Variants in SETDB2 observed in about 807,000 individuals in gnomAD.
The protein encoded by SETDB2 is SET domain bifurcated histone lysine methyltransferase 2.
In SETDB2, 56 loss-of-function variants were observed where a neutral mutation model predicts 82.5. The observed-to-expected ratio is 0.68, with a 90% CI of 0.55 to 0.85. The LOEUF (loss-of-function observed/expected upper bound fraction) is 0.85, where lower values mean the gene tolerates loss of function less well. SETDB2 is among the 40% of genes least tolerant of loss of function. The pLI is 0.00. For synonymous variants in SETDB2, 272 were observed against 284.9 expected (o/e 0.95, Z 0.46); for missense variants, 677 against 816.4 (o/e 0.83, Z 2.08).
rs150162236 is a variant in SETDB2, at chr13:49,476,264, T to G, written c.306-212T>G. 2.5e-4 allele frequency among the ~76,000 whole-genome samples: 38 copies of G among 152,284 alleles called. 1 individual carries two copies. The highest frequency in any genetic ancestry group is 8.4e-4 in the African/African-American group (35 of 41,552). ...TCACACCTGTGAATGGCCACTGCAC[T>G]CCAGCCTGGGCAACATAGGAAGACC... On this transcript the variant is annotated intron_variant, in intron 5 of 13. Transcript: ENST00000611815.
intron 5 of SETDB2, among the ~76,000 whole-genome samples, chr13:49,474,242 A>G (rs1012487837): frequency 5.3e-5 from 8 of 151,990 alleles, no homozygotes; most frequent in Admixed American, 1.3e-4. Flanking sequence ...AGCCTGGGCA[A>G]TAGATTGAAA....
chr13:49,456,857 G>T (rs1957891392), intron 2 of SETDB2, among the ~76,000 whole-genome samples: 1 of 152,120 alleles, frequency 6.6e-6, no homozygotes, highest in Admixed American at 6.6e-5. Context: ...GTGGTTAAGG[G>T]CTTCCATAGC....
rs143674909 is a variant in SETDB2 at position 49,447,470 on chromosome 13, G to A, written c.-342+2613G>A. ...ATCTTGTGCCTAATAAAAATTCTCCGAATGTTTCATCATTGAGTATGATGT... is the reference window on the plus strand; with the variant it reads ...ATCTTGTGCCTAATAAAAATTCTCCAAATGTTTCATCATTGAGTATGATGT... On this transcript the variant is annotated intron_variant, in intron 1 of 13. Coordinates refer to ENST00000611815, the MANE Select transcript of SETDB2 (RefSeq NM_001160308.3). 1.8e-3 allele frequency among the ~76,000 whole-genome samples: 274 copies of A among 152,128 alleles called. 3 individuals carry two copies. The East Asian group carries it at 0.03, about 17-fold the overall frequency.
intron 5 of SETDB2, among the ~76,000 whole-genome samples, chr13:49,471,929 TATATA>T (rs1478655086): frequency 6.0e-5 from 4 of 66,176 alleles, no homozygotes; most frequent in African/African-American, 2.9e-4. Context: ...TATATATATA[TATATA>T]TTTTTTTTTT....
At chr13:49,491,021 G>A in intron 13 of SETDB2, 111 bp downstream of exon 13, 3 of 758,852 alleles carry the variant, frequency 4.0e-6, no homozygotes, top group Non-Finnish European at 6.3e-6. Flanking sequence ...GGGAGGCCAA[G>A]GTGGGGAGAC....
chr13:49,449,508 C>T (rs1294690889), intron 1 of SETDB2, among the ~76,000 whole-genome samples: 1 of 152,192 alleles, frequency 6.6e-6, no homozygotes, highest in African/African-American at 2.4e-5. Flanking sequence ...ACCTCAGCCT[C>T]CCAAAGCGCT....
rs1957790773 is a variant in SETDB2, at chr13:49,451,820, G to A, written c.-74G>A. On this transcript the variant is annotated 5_prime_UTR_variant, in exon 2 of 14. The change creates a new upstream start codon in the 5' untranslated region. Coordinates refer to ENST00000611815, the MANE Select transcript of SETDB2 (RefSeq NM_001160308.3). ...TTATAGAGACCACAGTTGGATTCCA[G>A]TGATATTCTGCAATCAAAGTGATTT... 8.2e-7 allele frequency: 1 copy of A among 1,216,836 alleles called. No homozygotes were observed. The highest frequency in any genetic ancestry group is 1.9e-5 in the Admixed American group (1 of 52,270). The allele number at this position is 1,216,836 out of a possible 1,614,324, so 75.4% of individuals were successfully genotyped here. A position where few individuals can be genotyped will look rare whatever the true frequency, so the allele number is the denominator to read the frequency against.
Position 49,460,119 on chromosome 13 carries a change from C to T in SETDB2, c.29C>T (p.Thr10Ile), listed in dbSNP as rs1208249238. The T allele has an allele frequency of 1.9e-6, 3 of 1,611,598 alleles. No individual in the cohort carries two copies. Among genetic ancestry groups the T allele is most frequent in the African/African-American group, 2.7e-5 (2 of 74,772 alleles). MGEKNGDAK[T>I]FWMELEDDGK... ...ATTTTTATTTTAGGCGATGCAAAAACTTTCTGGATGGAGCTAGAAGATGAT... is the reference window on the plus strand; with the variant it reads ...ATTTTTATTTTAGGCGATGCAAAAATTTTCTGGATGGAGCTAGAAGATGAT... The change falls in exon 3 of 14, where the codon ACT (threonine) becomes ATT (isoleucine). Residue 10 changes from threonine (T) to isoleucine (I), a missense_variant. Coordinates refer to ENST00000611815, the MANE Select transcript of SETDB2 (RefSeq NM_001160308.3).
At chr13:49,447,424 A>G (rs1194537532) in intron 1 of SETDB2, among the ~76,000 whole-genome samples, 1 of 152,142 alleles carries the variant, frequency 6.6e-6, no homozygotes, top group Non-Finnish European at 1.5e-5. Flanking sequence ...TTGAATAAAA[A>G]CAGTGATAGC....
At chr13:49,457,706 G>A (rs1957917163) in intron 2 of SETDB2, among the ~76,000 whole-genome samples, 1 of 151,922 alleles carries the variant, frequency 6.6e-6, no homozygotes, top group Non-Finnish European at 1.5e-5. Flanking sequence ...ATGAGGTGTG[G>A]TGGCACCACA....
At chr13:49,461,935 C>CTA (rs1307503682) in intron 4 of SETDB2, among the ~76,000 whole-genome samples, 3 of 152,182 alleles carry the variant, frequency 2.0e-5, no homozygotes, top group Non-Finnish European at 2.9e-5. Flanking sequence ...GAAGTATTTA[C>CTA]TATTACCAGT....
chr13:49,454,277 C>T (rs1406452599), intron 2 of SETDB2, among the ~76,000 whole-genome samples: 1 of 152,060 alleles, frequency 6.6e-6, no homozygotes, highest in Non-Finnish European at 1.5e-5. Context: ...AAGTGGCACA[C>T]GCCTATATGT....
rs1958584410 is a variant in SETDB2, at chr13:49,485,716, A to C, written c.1569A>C (p.Gly523=). Residue 523 remains glycine (G), a synonymous_variant, in exon 11 of 14, where the codon GGA becomes GGC. Transcript: ENST00000611815. ...PREHLNSKTK[G]AQKDSSSNHV... is the part of the protein sequence containing the mutation. ...AGCATCTGAACTCTAAAACCAAGGG[A>C]GCACAAAGTAGGCTTTGTTTCTTCT... The C allele has an allele frequency of 6.2e-7, 1 of 1,613,560 alleles. No individual in the cohort carries two copies. Among genetic ancestry groups the C allele is most frequent in the African/African-American group, 1.3e-5 (1 of 74,866 alleles).
chr13:49,453,371 A>G (rs961507094), intron 2 of SETDB2, among the ~76,000 whole-genome samples: 3 of 150,706 alleles, frequency 2.0e-5, no homozygotes, highest in African/African-American at 7.3e-5. Context: ...ATCTTGGCTC[A>G]CTGCAACCTC....
Position 49,451,673 on chromosome 13 carries a change from G to T in SETDB2, c.-221G>T, listed in dbSNP as rs1465665240. On this transcript the variant is annotated 5_prime_UTR_variant, in exon 2 of 14. Transcript: ENST00000611815. ...AGAAGATTCATGGACTTGTCTTTTG[G>T]TTGGACTGTCACTCATTTCTGAAAG... The T allele has an allele frequency of 5.3e-6, 2 of 377,820 alleles. No homozygotes were observed. The highest frequency in any genetic ancestry group is 9.4e-5 in the Admixed American group (2 of 21,278). The allele number at this position is 377,820 out of a possible 1,614,324, so 23.4% of individuals were successfully genotyped here. A position where few individuals can be genotyped will look rare whatever the true frequency, so the allele number is the denominator to read the frequency against.
At chr13:49,485,480 T>C (rs1219789068) in intron 10 of SETDB2, 150 bp from the exon 11 acceptor site, 5 of 625,522 alleles carry the variant, frequency 8.0e-6, no homozygotes, top group Non-Finnish European at 8.4e-6. Flanking sequence ...TCCATTAGTC[T>C]AAAGACTCCT....
At chr13:49,460,060 A>T in intron 2 of SETDB2, 47 bp from the exon 3 acceptor site, 1 of 1,563,648 alleles carries the variant, frequency 6.4e-7, no homozygotes, top group Admixed American at 1.9e-5. Flanking sequence ...GATAAATTAT[A>T]GTATTTTTCT....
intron 12 of SETDB2, among the ~76,000 whole-genome samples, chr13:49,490,058 C>A (rs1448209028): frequency 2.7e-5 from 4 of 150,286 alleles, no homozygotes; most frequent in Non-Finnish European, 5.9e-5. Flanking sequence ...AGGCAGATCA[C>A]TTGAGGTCAG....
At chr13:49,459,272 G>A (rs1957947364) in intron 2 of SETDB2, among the ~76,000 whole-genome samples, 1 of 152,122 alleles carries the variant, frequency 6.6e-6, no homozygotes, top group South Asian at 2.1e-4. Context: ...TGGAGGTTCT[G>A]GGTTTAATTT....
Sources: gnomAD v4.1 joint callset for allele counts (sites outside exome capture counted in the v4.1 genomes callset) on GRCh38, gnomAD v4.1.1 for gene constraint, MANE v1.5 for transcripts, NCBI Gene and HGNC (gene_info 2026-07-23, HGNC 2026-07-21) for gene names.